HDAC9: variants seen among roughly 807,000 people sequenced by gnomAD.
HDAC9 encodes MEF-2 interacting transcription repressor (MITR) protein.
HDAC9 carries 41 observed loss-of-function variants against 139.4 expected under a neutral mutation model. The ratio of observed to expected loss-of-function variants is 0.29; its 90% CI spans 0.23 to 0.38. HDAC9 has a LOEUF of 0.38. Among genes scored for constraint, HDAC9 ranks in the 10% least tolerant of loss-of-function variants. The probability of loss-of-function intolerance (pLI) is 1.00; values close to 1 mark genes in which losing one functional copy is unlikely to be tolerated. For synonymous variants in HDAC9, 517 were observed against 476.2 expected (o/e 1.09, Z -1.12); for missense variants, 1,147 against 1,297.0 (o/e 0.88, Z 1.78).
intron 2 of HDAC9, among the ~76,000 whole-genome samples, chr7:18,226,398 A>G (rs1368047782): frequency 2.0e-5 from 3 of 152,160 alleles, no homozygotes; most frequent in Admixed American, 2.0e-4. Flanking sequence ...TGCTCCCTGT[A>G]GGTGAGCTAA....
chr7:18,606,989 A>G (rs1393172812), intron 6 of HDAC9, among the ~76,000 whole-genome samples: 3 of 152,214 alleles, frequency 2.0e-5, no homozygotes, highest in African/African-American at 7.2e-5. Flanking sequence ...AAGATTCCTC[A>G]TGATAAAGAA....
At position 18,128,153 on chromosome 7, in the gene HDAC9, C is replaced by G. The variant is rs539753295; in HGVS notation, c.-96-34076C>G. Among the ~76,000 whole-genome samples the G allele has an allele frequency of 1.3e-3, 203 of 152,188 alleles. 11 individuals carry two copies. In the South Asian group the frequency reaches 0.04, roughly 30 times the overall value. ...AATCCAAGCCAGCACCTTATGTTCT[C>G]TGCCCAAACTCTAGGAAACTTGTAC... On this transcript the variant is annotated intron_variant, in intron 1 of 12. Coordinates refer to the HDAC9 transcript ENST00000417496.
chr7:18,088,915 T>A (rs1206945966), intron 1 of HDAC9, among the ~76,000 whole-genome samples: 3 of 152,232 alleles, frequency 2.0e-5, no homozygotes, highest in African/African-American at 7.2e-5. Flanking sequence ...ATCCATTTTG[T>A]TTGAATGGGG....
chr7:18,776,907 G>C (rs1027317459), intron 16 of HDAC9, among the ~76,000 whole-genome samples: 1 of 151,992 alleles, frequency 6.6e-6, no homozygotes, highest in African/African-American at 2.4e-5. Flanking sequence ...CACTGTTAAA[G>C]ATCTGTGTGT....
Position 18,672,993 on chromosome 7 carries a change from A to C in HDAC9, c.1731+6517A>C, listed in dbSNP as rs143573282. Among the ~76,000 whole-genome samples the C allele has an allele frequency of 5.2e-3, 794 of 152,142 alleles. 5 individuals carry two copies. Among genetic ancestry groups the C allele is most frequent in the African/African-American group, 0.018 (760 of 41,530 alleles). ...TTTTTCTTCCCAAAATATCACTGAA[A>C]TGTTACAATCTTGATGTTTATTATT... On this transcript the variant is annotated intron_variant, in intron 12 of 25. Coordinates refer to ENST00000686413, the MANE Select transcript of HDAC9 (RefSeq NM_178425.4).
intron 1 of HDAC9, among the ~76,000 whole-genome samples, chr7:18,310,916 T>G (rs969851051): frequency 1.3e-5 from 2 of 151,996 alleles, no homozygotes; most frequent in Non-Finnish European, 2.9e-5. Flanking sequence ...ACAAATCTAC[T>G]CTATTATCTC....
chr7:18,816,799 G>A (rs1437613375), intron 17 of HDAC9, among the ~76,000 whole-genome samples: 2 of 152,052 alleles, frequency 1.3e-5, no homozygotes, highest in Admixed American at 6.6e-5. Flanking sequence ...TAATTTCCAC[G>A]GAACAATGTT....
intron 2 of HDAC9, among the ~76,000 whole-genome samples, chr7:18,181,677 A>G (rs1789441313): frequency 6.6e-6 from 1 of 152,116 alleles, no homozygotes. Flanking sequence ...CATCAGCATC[A>G]ATAGCAGGCC....
chr7:18,841,862 G>A (rs1387602153), intron 21 of HDAC9, among the ~76,000 whole-genome samples: 1 of 151,842 alleles, frequency 6.6e-6, no homozygotes, highest in African/African-American at 2.4e-5. Flanking sequence ...TAAACCCTTG[G>A]TTCTTTTTTT....
At chr7:18,377,139 G>A (rs1010480106) in intron 1 of HDAC9, among the ~76,000 whole-genome samples, 2 of 152,088 alleles carry the variant, frequency 1.3e-5, no homozygotes, top group Non-Finnish European at 2.9e-5. Context: ...TGCCAGCATG[G>A]TTGAGTTCTG....
chr7:18,391,728 G>C (rs556028826), intron 1 of HDAC9, among the ~76,000 whole-genome samples: 9 of 152,206 alleles, frequency 5.9e-5, no homozygotes, highest in Non-Finnish European at 1.2e-4. Flanking sequence ...GAAGTAAGAT[G>C]CCTGGATATA....
At chr7:18,813,408 C>T (rs963110912) in intron 17 of HDAC9, among the ~76,000 whole-genome samples, 2 of 152,088 alleles carry the variant, frequency 1.3e-5, no homozygotes, top group African/African-American at 2.4e-5. Flanking sequence ...TCTTCCTAGT[C>T]AGGTGTGGAT....
chr7:18,574,750 T>C (rs1825472588), intron 2 of HDAC9, among the ~76,000 whole-genome samples: 1 of 152,254 alleles, frequency 6.6e-6, no homozygotes, highest in Non-Finnish European at 1.5e-5. Context: ...AGCATGCACA[T>C]ACCCAGCCGG....
chr7:18,265,968 G>T (rs1214781164), intron 2 of HDAC9, among the ~76,000 whole-genome samples: 1 of 152,068 alleles, frequency 6.6e-6, no homozygotes, highest in Non-Finnish European at 1.5e-5. Flanking sequence ...CTAAAGGTTG[G>T]TCGCAATGTA....
chr7:18,152,096 C>T (rs1786822736), intron 1 of HDAC9, among the ~76,000 whole-genome samples: 1 of 140,746 alleles, frequency 7.1e-6, no homozygotes, highest in Non-Finnish European at 1.5e-5. Context: ...AGCACTTGTG[C>T]TGTCCCATTT....
At chr7:18,239,065 T>TA (rs1794015042) in intron 2 of HDAC9, among the ~76,000 whole-genome samples, 1 of 152,190 alleles carries the variant, frequency 6.6e-6, no homozygotes, top group Non-Finnish European at 1.5e-5. Context: ...GCTTTACACT[T>TA]ACGATTGGAA....
intron 12 of HDAC9, among the ~76,000 whole-genome samples, chr7:18,707,198 A>G (rs1783993743): frequency 6.6e-6 from 1 of 152,242 alleles, no homozygotes; most frequent in South Asian, 2.1e-4. Flanking sequence ...TTCAAGAAGG[A>G]GAGAATCACT....
At chr7:18,311,487 G>A (rs1453282678) in intron 1 of HDAC9, among the ~76,000 whole-genome samples, 1 of 152,030 alleles carries the variant, frequency 6.6e-6, no homozygotes, top group African/African-American at 2.4e-5. Context: ...GTCACAGCCT[G>A]CAGAATAAAA....
At chr7:18,694,720 A>G (rs1164007385) in intron 12 of HDAC9, among the ~76,000 whole-genome samples, 1 of 152,058 alleles carries the variant, frequency 6.6e-6, no homozygotes, top group Non-Finnish European at 1.5e-5. Context: ...CCTGGAGTGT[A>G]TCTGCCCTGA....
Sources: allele counts gnomAD v4.1 joint callset (sites outside exome capture counted in the v4.1 genomes callset), GRCh38; gene constraint gnomAD v4.1.1; transcripts MANE v1.5; gene names NCBI Gene and HGNC (gene_info 2026-07-23, HGNC 2026-07-21).